BMP5: variants seen among roughly 807,000 people sequenced by gnomAD.
BMP5 encodes bone morphogenetic protein 5.
A neutral mutation model predicts 46.6 loss-of-function variants in BMP5; 23 were observed. That is an observed-to-expected ratio of 0.49 (90% confidence interval 0.35 to 0.70). The LOEUF is 0.70. Ranked by LOEUF, BMP5 falls within the 30% of genes least tolerant of loss-of-function variation. The pLI is 0.00. For missense variants in BMP5, 545 were observed against 565.6 expected (o/e 0.96, Z 0.37); for synonymous variants, 204 against 191.9 (o/e 1.06, Z -0.52).
intron 4 of BMP5, among the ~76,000 whole-genome samples, chr6:55,767,467 T>C (rs1562027634): frequency 6.6e-6 from 1 of 152,026 alleles, no homozygotes; most frequent in Non-Finnish European, 1.5e-5. Flanking sequence ...ATTCCCACTT[T>C]ATACATGAGG....
chr6:55,861,084 C>T (rs1413379536), intron 1 of BMP5, among the ~76,000 whole-genome samples: 1 of 152,128 alleles, frequency 6.6e-6, no homozygotes, highest in African/African-American at 2.4e-5. Flanking sequence ...TTATCTAGAA[C>T]ACAGAGGAGT....
intron 1 of BMP5, among the ~76,000 whole-genome samples, chr6:55,825,908 C>T (rs1776521075): frequency 6.6e-6 from 1 of 151,742 alleles, no homozygotes; most frequent in African/African-American, 2.4e-5. Context: ...TGAAAGAATA[C>T]AGATCATTGT....
At chr6:55,812,443 G>C (rs1301851883) in intron 2 of BMP5, among the ~76,000 whole-genome samples, 1 of 152,152 alleles carries the variant, frequency 6.6e-6, no homozygotes, top group Non-Finnish European at 1.5e-5. Flanking sequence ...ATAATTCATA[G>C]ATTAGATGGT....
chr6:55,872,232 C>T (rs572823881), intron 1 of BMP5, among the ~76,000 whole-genome samples: 2 of 151,692 alleles, frequency 1.3e-5, no homozygotes, highest in East Asian at 1.9e-4. Flanking sequence ...AAGAAAAACT[C>T]ACCTAGTATC....
intron 2 of BMP5, among the ~76,000 whole-genome samples, chr6:55,814,185 AT>A (rs1276135146): frequency 6.6e-6 from 1 of 152,112 alleles, no homozygotes; most frequent in East Asian, 1.9e-4. Context: ...AATAAAACTA[AT>A]TATTTATTAA....
intron 1 of BMP5, among the ~76,000 whole-genome samples, chr6:55,864,955 C>A (rs1201626074): frequency 1.3e-5 from 2 of 150,258 alleles, no homozygotes; most frequent in African/African-American, 2.4e-5. Context: ...ATACTTAAGG[C>A]TGAATGGTAT....
At chr6:55,852,857 C>T (rs949081509) in intron 1 of BMP5, among the ~76,000 whole-genome samples, 6 of 152,062 alleles carry the variant, frequency 3.9e-5, no homozygotes, top group East Asian at 3.9e-4. Context: ...GCTGGCCAGG[C>T]GCGGAGGCTC....
At chr6:55,837,497 T>C (rs1226742749) in intron 1 of BMP5, among the ~76,000 whole-genome samples, 3 of 152,142 alleles carry the variant, frequency 2.0e-5, no homozygotes, top group African/African-American at 4.8e-5. Flanking sequence ...TCCTTTATTT[T>C]TTAAATTTTT....
At chr6:55,860,895 A>G (rs757652018) in intron 1 of BMP5, among the ~76,000 whole-genome samples, 3 of 152,198 alleles carry the variant, frequency 2.0e-5, no homozygotes, top group Non-Finnish European at 2.9e-5. Context: ...ATATATCCCA[A>G]GTCCTTACCC....
chr6:55,821,389 A>T (rs1378126534), intron 1 of BMP5, among the ~76,000 whole-genome samples: 5 of 152,066 alleles, frequency 3.3e-5, no homozygotes, highest in Admixed American at 6.6e-5. Context: ...ATATTTTTTT[A>T]AATTTTATTT....
intron 2 of BMP5, among the ~76,000 whole-genome samples, chr6:55,802,561 C>T (rs1055939867): frequency 6.6e-6 from 1 of 151,764 alleles, no homozygotes; most frequent in Non-Finnish European, 1.5e-5. Context: ...GGAAAAGTGA[C>T]CAGCCATGGT....
chr6:55,833,946 A>C (rs1776723467), intron 1 of BMP5, among the ~76,000 whole-genome samples: 2 of 152,192 alleles, frequency 1.3e-5, no homozygotes, highest in Admixed American at 6.6e-5. Context: ...ATATTATGCA[A>C]AAATCTATAA....
chr6:55,862,812 C>A (rs922178943), intron 1 of BMP5, among the ~76,000 whole-genome samples: 1 of 152,130 alleles, frequency 6.6e-6, no homozygotes, highest in Non-Finnish European at 1.5e-5. Flanking sequence ...AGCTTTGCTG[C>A]GACTTGGTTT....
At chr6:55,865,374 G>A (rs1191057217) in intron 1 of BMP5, 1 of 489,972 alleles carries the variant, frequency 2.0e-6, no homozygotes. Context: ...TAAAATTAAA[G>A]TAAAACCATG....
chr6:55,813,561 G>A (rs1339828501), intron 2 of BMP5, among the ~76,000 whole-genome samples: 3 of 151,840 alleles, frequency 2.0e-5, no homozygotes, highest in Non-Finnish European at 4.4e-5. Context: ...GGGCCGAGGC[G>A]GGCGGATCAC....
chr6:55,850,211 A>G (rs1308056436), intron 1 of BMP5, among the ~76,000 whole-genome samples: 1 of 152,062 alleles, frequency 6.6e-6, no homozygotes, highest in Non-Finnish European at 1.5e-5. Flanking sequence ...TAGTATTTAT[A>G]TTGTAATTTT....
chr6:55,768,920 A>G (rs1562028412), intron 4 of BMP5, among the ~76,000 whole-genome samples: 1 of 151,970 alleles, frequency 6.6e-6, no homozygotes, highest in Non-Finnish European at 1.5e-5. Flanking sequence ...TTATGGTTAC[A>G]TTATACTACA....
rs1774520333 is a variant in BMP5 at position 55,754,122 on chromosome 6, A to T, written c.*1411T>A. 6.6e-6 allele frequency: 1 copy of T among 151,984 alleles called. No homozygotes were observed. Among genetic ancestry groups the T allele is most frequent in the Admixed American group, 6.6e-5 (1 of 15,218 alleles). 9.4% of individuals were successfully genotyped at this position (151,984 alleles called of 1,614,324 possible). A position where few individuals can be genotyped will look rare whatever the true frequency, so the allele number is the denominator to read the frequency against. ...CGTTTGGTTTGAAAGATCCAAAAGG[A>T]TGATTAATAAATGGTGCTTTATGAA... On this transcript the variant is annotated 3_prime_UTR_variant, in exon 7 of 7. Transcript: ENST00000370830.
intron 1 of BMP5, among the ~76,000 whole-genome samples, chr6:55,872,089 T>C (rs567221193): frequency 6.6e-6 from 1 of 151,964 alleles, no homozygotes; most frequent in East Asian, 1.9e-4. Context: ...TGCTTATTTA[T>C]TTATTTGATT....
Sources: gnomAD v4.1 joint callset for allele counts (sites outside exome capture counted in the v4.1 genomes callset) on GRCh38, gnomAD v4.1.1 for gene constraint, MANE v1.5 for transcripts, NCBI Gene and HGNC (gene_info 2026-07-23, HGNC 2026-07-21) for gene names.